Variants in CTDSP2 observed in about 807,000 individuals in gnomAD.
CTDSP2 encodes carboxy-terminal domain RNA polymerase II polypeptide A small phosphatase 2.
A neutral mutation model predicts 31.6 loss-of-function variants in CTDSP2; 9 were observed. That is an observed-to-expected ratio of 0.28 (90% confidence interval 0.17 to 0.50). The LOEUF (loss-of-function observed/expected upper bound fraction) is 0.50, where lower values mean the gene tolerates loss of function less well. Among genes scored for constraint, CTDSP2 ranks in the 20% least tolerant of loss-of-function variants. The probability of loss-of-function intolerance (pLI) is 0.98; values close to 1 mark genes in which losing one functional copy is unlikely to be tolerated. For missense variants in CTDSP2, 267 were observed against 348.5 expected, an observed-to-expected ratio of 0.77 and a Z score of 1.86; for synonymous variants, 134 against 134.5, an observed-to-expected ratio of 1.00 and a Z score of 0.03.
intron 1 of CTDSP2, among the ~76,000 whole-genome samples, chr12:57,839,029 G>C (rs12304988): frequency 6.6e-6 from 1 of 152,148 alleles, no homozygotes; most frequent in Non-Finnish European, 1.5e-5. Flanking sequence ...CCACAAAAAC[G>C]AATCAGTCGC....
intron 1 of CTDSP2, among the ~76,000 whole-genome samples, chr12:57,843,070 G>A (rs1216754182): frequency 6.6e-6 from 1 of 152,114 alleles, no homozygotes; most frequent in Non-Finnish European, 1.5e-5. Context: ...GGGCATCATC[G>A]AGAGGAAGGG....
At chr12:57,838,823 G>T (rs1956263585) in intron 1 of CTDSP2, among the ~76,000 whole-genome samples, 1 of 152,220 alleles carries the variant, frequency 6.6e-6, no homozygotes, top group Non-Finnish European at 1.5e-5. Context: ...CAGAATTGCA[G>T]GGAGCTCAGG....
In CTDSP2 at chr12:57,827,549, T is replaced by C. The variant is rs753477663; in HGVS notation, c.252+3A>G. 67 of 1,613,928 alleles carry C rather than the reference T, an allele frequency of 4.2e-5. No individual in the cohort carries two copies. The highest frequency in any genetic ancestry group is 5.6e-5 in the Non-Finnish European group (66 of 1,179,956). On this transcript the variant is annotated splice_donor_region_variant and intron_variant, in intron 3 of 7. Coordinates refer to ENST00000398073, the MANE Select transcript of CTDSP2 (RefSeq NM_005730.4). ...GAGTACTTACCAGGCCAGAGTCACG[T>C]ACCTGGTAGAACTGGTACTGGAGAC...
intron 1 of CTDSP2, among the ~76,000 whole-genome samples, chr12:57,841,280 A>C (rs1040597114): frequency 2.0e-5 from 3 of 152,202 alleles, no homozygotes; most frequent in African/African-American, 4.8e-5. Flanking sequence ...GTTGTACCCC[A>C]AAACCACAGG....
intron 1 of CTDSP2, among the ~76,000 whole-genome samples, chr12:57,839,681 G>A (rs1353364858): frequency 1.3e-5 from 2 of 151,908 alleles, no homozygotes; most frequent in Admixed American, 6.6e-5. Flanking sequence ...TCGAGATCGC[G>A]CCACTGCACT....
intron 6 of CTDSP2, 39 bp from the exon 7 acceptor site, chr12:57,824,128 T>TG: frequency 6.2e-7 from 1 of 1,612,480 alleles, no homozygotes; most frequent in Non-Finnish European, 8.5e-7. Flanking sequence ...GATACACTCC[T>TG]GGTCCTCCTG....
chr12:57,839,516 A>G (rs1037628735), intron 1 of CTDSP2, among the ~76,000 whole-genome samples: 1 of 152,170 alleles, frequency 6.6e-6, no homozygotes, highest in African/African-American at 2.4e-5. Flanking sequence ...CAGGAGATCA[A>G]GACCATCCTG....
At chr12:57,842,089 T>C (rs981591826) in intron 1 of CTDSP2, among the ~76,000 whole-genome samples, 1 of 151,470 alleles carries the variant, frequency 6.6e-6, no homozygotes, top group African/African-American at 2.4e-5. Context: ...ATGATGGGAA[T>C]AAAAGACAAT....
chr12:57,846,224 G>T, intron 1 of CTDSP2, 148 bp downstream of exon 1: 1 of 676,714 alleles, frequency 1.5e-6, no homozygotes, highest in South Asian at 2.1e-5. Flanking sequence ...TGCCAGCCGG[G>T]ATGCGGGGGC....
rs1956137240 is a variant in CTDSP2 at position 57,820,354 on chromosome 12, G to A, written c.*3248C>T. The A allele has an allele frequency of 6.6e-6, 1 of 152,218 alleles. No individual in the cohort carries two copies. The highest frequency in any genetic ancestry group is 2.4e-5 in the African/African-American group (1 of 41,440). 9.4% of individuals were successfully genotyped at this position (152,218 alleles called of 1,614,324 possible). ...GAACTAAACCCGTTTAGGAAAAAGG[G>A]ACCGAGGGACAGCAGTGGTTAAGTA... On this transcript the variant is annotated 3_prime_UTR_variant, in exon 8 of 8. Coordinates refer to ENST00000398073, the MANE Select transcript of CTDSP2 (RefSeq NM_005730.4).
At chr12:57,824,192 C>A (rs779382330) in intron 6 of CTDSP2, 35 bp downstream of exon 6, 1 of 1,610,414 alleles carries the variant, frequency 6.2e-7, no homozygotes, top group Non-Finnish European at 8.5e-7. Flanking sequence ...GGCCACCACA[C>A]CCACTCCTGG....
chr12:57,840,968 A>G (rs1956279339), intron 1 of CTDSP2, among the ~76,000 whole-genome samples: 1 of 152,200 alleles, frequency 6.6e-6, no homozygotes, highest in African/African-American at 2.4e-5. Flanking sequence ...AGGGCTGGGC[A>G]TTTTGCCAGA....
chr12:57,833,819 A>T lies in CTDSP2; in HGVS notation c.65-4223T>A, dbSNP rs150600217. Among the ~76,000 whole-genome samples the T allele has an allele frequency of 3.6e-3, 547 of 152,322 alleles. 3 individuals carry two copies. Among genetic ancestry groups the T allele is most frequent in the Non-Finnish European group, 5.8e-3 (397 of 68,020 alleles). The stretch of plus-strand genomic sequence containing the variant: ...GAGCACTGAGGGAGCTGGGCCCCTA[A>T]GGCAAACCACTGAGTCTTTCTAGGC... On this transcript the variant is annotated intron_variant, in intron 1 of 7. Transcript: ENST00000398073.
At chr12:57,841,807 T>C (rs1956284211) in intron 1 of CTDSP2, among the ~76,000 whole-genome samples, 1 of 152,178 alleles carries the variant, frequency 6.6e-6, no homozygotes, top group Admixed American at 6.5e-5. Context: ...AGTCTAACTA[T>C]GTAAAGAGGG....
chr12:57,823,758 C>G (rs1956164137), intron 7 of CTDSP2, 31 bp from the exon 8 acceptor site: 1 of 1,613,056 alleles, frequency 6.2e-7, no homozygotes, highest in Non-Finnish European at 8.5e-7. Flanking sequence ...TGTCAATCTC[C>G]CGACTGCTGC....
chr12:57,844,586 G>C (rs980539014), intron 1 of CTDSP2, among the ~76,000 whole-genome samples: 17 of 151,798 alleles, frequency 1.1e-4, no homozygotes, highest in African/African-American at 3.9e-4. Flanking sequence ...TTCCCCTCTG[G>C]CTAGCTCTTA....
chr12:57,843,149 G>A (rs1318159305), intron 1 of CTDSP2, among the ~76,000 whole-genome samples: 1 of 152,110 alleles, frequency 6.6e-6, no homozygotes, highest in South Asian at 2.1e-4. Flanking sequence ...ACTGAGCTCC[G>A]GAAGAGGCTG....
chr12:57,841,238 G>A (rs1055543039), intron 1 of CTDSP2, among the ~76,000 whole-genome samples: 9 of 152,152 alleles, frequency 5.9e-5, no homozygotes, highest in Non-Finnish European at 1.0e-4. Flanking sequence ...AAGATGAAAA[G>A]CAGATCAATG....
At chr12:57,834,005 C>T (rs902640810) in intron 1 of CTDSP2, among the ~76,000 whole-genome samples, 1 of 152,214 alleles carries the variant, frequency 6.6e-6, no homozygotes, top group Non-Finnish European at 1.5e-5. Flanking sequence ...ACCTGGCTCA[C>T]GGTCATGCAG....
Sources: gnomAD v4.1 joint callset for allele counts (sites outside exome capture counted in the v4.1 genomes callset) on GRCh38, gnomAD v4.1.1 for gene constraint, MANE v1.5 for transcripts, NCBI Gene and HGNC (gene_info 2026-07-23, HGNC 2026-07-21) for gene names.